RBBP5: variants seen among roughly 807,000 people sequenced by gnomAD.
RBBP5 encodes retinoblastoma-binding protein 5.
RBBP5 carries 5 observed loss-of-function variants against 72.2 expected under a neutral mutation model. The ratio of observed to expected loss-of-function variants is 0.07; its 90% confidence interval spans 0.04 to 0.15. The LOEUF (loss-of-function observed/expected upper bound fraction) is 0.15. RBBP5 is among the 10% of genes least tolerant of loss of function. RBBP5 has a pLI of 1.00. For synonymous variants in RBBP5, 209 were observed against 237.2 expected (o/e 0.88, Z 1.09); for missense variants, 322 against 652.2 (o/e 0.49, Z 5.51).
Position 205,107,898 on chromosome 1 carries a change from A to G in RBBP5, c.219-2730T>C, listed in dbSNP as rs548138620. 3.6e-3 allele frequency among the ~76,000 whole-genome samples: 535 copies of G among 147,736 alleles called. 2 individuals are homozygous for G. Among genetic ancestry groups the G allele is most frequent in the Non-Finnish European group, 5.9e-3 (397 of 67,334 alleles). ...GAGGCAGAGGTTGCAGTGAGCCGAGATCGCGCTATTGCACTCCAGCCTGGG... is the reference window on the plus strand; with the variant it reads ...GAGGCAGAGGTTGCAGTGAGCCGAGGTCGCGCTATTGCACTCCAGCCTGGG... On this transcript the variant is annotated intron_variant, in intron 3 of 13. Transcript: ENST00000264515.
In RBBP5 at chr1:205,087,523, A is replaced by T. The variant is rs1205515939; in HGVS notation, c.*1264T>A. The T allele has an allele frequency of 1.3e-5, 2 of 150,002 alleles. No homozygotes were observed. Among genetic ancestry groups the T allele is most frequent in the East Asian group, 4.0e-4 (2 of 5,028 alleles). The allele number at this position is 150,002 out of a possible 1,614,324, so 9.3% of individuals were successfully genotyped here. A position where few individuals can be genotyped will look rare whatever the true frequency, so the allele number is the denominator to read the frequency against. On this transcript the variant is annotated 3_prime_UTR_variant, in exon 14 of 14. Coordinates refer to ENST00000264515, the MANE Select transcript of RBBP5 (RefSeq NM_005057.4). ...CCAACTGATATATTTCACAGTAAGC[A>T]CAGTATTTAAATTCTCCTTTTAAAA...
intron 5 of RBBP5, among the ~76,000 whole-genome samples, chr1:205,102,984 G>A (rs1388090844): frequency 3.1e-5 from 4 of 130,900 alleles, no homozygotes; most frequent in African/African-American, 5.9e-5. Flanking sequence ...CAACAAGAGC[G>A]AAACTCCATC....
intron 1 of RBBP5, among the ~76,000 whole-genome samples, chr1:205,117,805 T>G (rs1656585006): frequency 1.3e-5 from 2 of 152,036 alleles, no homozygotes; most frequent in African/African-American, 4.8e-5. Flanking sequence ...TACATATATA[T>G]ATATCCATAT....
At chr1:205,104,090 C>T in intron 4 of RBBP5, 71 bp from the exon 5 acceptor site, 7 of 1,535,846 alleles carry the variant, frequency 4.6e-6, no homozygotes, top group Non-Finnish European at 6.3e-6. Context: ...GTCCTTTTCC[C>T]TGATCCCTGT....
intron 6 of RBBP5, among the ~76,000 whole-genome samples, chr1:205,100,606 T>TA (rs1460748951): frequency 1.3e-5 from 2 of 152,172 alleles, no homozygotes; most frequent in Admixed American, 6.5e-5. Context: ...ATAATATATA[T>TA]TTTTTAAATG....
intron 1 of RBBP5, 194 bp from the exon 2 acceptor site, chr1:205,116,077 T>C (rs901533463): frequency 2.6e-6 from 3 of 1,141,820 alleles, no homozygotes; most frequent in Admixed American, 2.4e-5. Flanking sequence ...CTCGGAAATA[T>C]ACAGATGCGT....
At chr1:205,107,862 C>T (rs1656134526) in intron 3 of RBBP5, among the ~76,000 whole-genome samples, 1 of 150,228 alleles carries the variant, frequency 6.7e-6, no homozygotes, top group Non-Finnish European at 1.5e-5. Context: ...TAAAGAATCG[C>T]TTGAAACCAG....
intron 4 of RBBP5, among the ~76,000 whole-genome samples, chr1:205,104,685 A>G (rs571059986): frequency 1.3e-5 from 2 of 152,196 alleles, no homozygotes; most frequent in Middle Eastern, 3.4e-3. Context: ...TGCTAAAAAT[A>G]CAAAAATTAG....
At chr1:205,107,441 T>C (rs931839131) in intron 3 of RBBP5, among the ~76,000 whole-genome samples, 5 of 152,074 alleles carry the variant, frequency 3.3e-5, no homozygotes, top group African/African-American at 9.7e-5. Context: ...TCAGAAACCA[T>C]GAAGGCCAGA....
In RBBP5 at chr1:205,104,135, T is replaced by C. The variant is rs114607410; in HGVS notation, c.360-116A>G. The C allele has an allele frequency of 2.3e-3, 2,495 of 1,102,956 alleles. 42 individuals are homozygous for C. The African/African-American group carries it at 0.034, about 15-fold the overall frequency. 68.3% of individuals were successfully genotyped at this position (1,102,956 alleles called of 1,614,324 possible). On this transcript the variant is annotated intron_variant, in intron 4 of 13. Coordinates refer to ENST00000264515, the MANE Select transcript of RBBP5 (RefSeq NM_005057.4). ...CATCAATTCTCCCACCCAAGCAAATTTGAAACAGTGAAAAAGCATAAAATC... is the reference window on the plus strand; with the variant it reads ...CATCAATTCTCCCACCCAAGCAAATCTGAAACAGTGAAAAAGCATAAAATC...
intron 3 of RBBP5, among the ~76,000 whole-genome samples, chr1:205,111,062 T>G (rs568479060): frequency 1.3e-5 from 2 of 152,250 alleles, no homozygotes; most frequent in East Asian, 3.9e-4. Context: ...AGACTCTGTC[T>G]CGAAAAAATT....
chr1:205,097,195 C>T (rs1436884797), intron 11 of RBBP5, 131 bp downstream of exon 11: 3 of 903,920 alleles, frequency 3.3e-6, no homozygotes, highest in Non-Finnish European at 5.1e-6. Context: ...ATTTCTTGTA[C>T]ACCAAACGAG....
chr1:205,113,635 C>T (rs1656404425), intron 3 of RBBP5, among the ~76,000 whole-genome samples: 2 of 151,446 alleles, frequency 1.3e-5, no homozygotes, highest in Admixed American at 1.3e-4. Context: ...GAATTGTACA[C>T]TCGAAATTTT....
chr1:205,091,639 G>C (rs1655354632), intron 13 of RBBP5: 1 of 152,188 alleles, frequency 6.6e-6, no homozygotes, highest in African/African-American at 2.4e-5. Flanking sequence ...TTTTGTTAGG[G>C]CTAATCAGTT....
At position 205,101,729 on chromosome 1, in the gene RBBP5, G is replaced by A. The variant is rs1176827123; in HGVS notation, c.523-20C>T. ...CAAAATCTAAAGTTTAAAGGAGGGG[G>A]GAAAAAAGTAAGTGTTCCAATAACT... On this transcript the variant is annotated intron_variant, in intron 5 of 13. Coordinates refer to ENST00000264515, the MANE Select transcript of RBBP5 (RefSeq NM_005057.4). 2 of 1,540,744 alleles carry A rather than the reference G, an allele frequency of 1.3e-6. No homozygotes were observed. The highest frequency in any genetic ancestry group is 1.8e-6 in the Non-Finnish European group (2 of 1,118,802).
At position 205,090,663 on chromosome 1, in the gene RBBP5, C is replaced by T. The variant is rs147237045; in HGVS notation, c.1589-1848G>A. Reference sequence around the variant, plus strand: ...ATAAAGGAAATCTCCAGTAATGTAACAGGTAGGAAAATTCAGCTCAAAATG... The same window carrying T: ...ATAAAGGAAATCTCCAGTAATGTAATAGGTAGGAAAATTCAGCTCAAAATG... On this transcript the variant is annotated intron_variant, in intron 13 of 13. Transcript: ENST00000264515. Among the ~76,000 whole-genome samples the T allele has an allele frequency of 1.1e-3, 165 of 152,266 alleles. 1 individual carries two copies. The highest frequency in any genetic ancestry group is 3.7e-3 in the African/African-American group (155 of 41,546).
chr1:205,091,377 T>C (rs1446158720), intron 13 of RBBP5: 3 of 152,260 alleles, frequency 2.0e-5, no homozygotes, highest in African/African-American at 4.8e-5. Context: ...TATGTTAGCC[T>C]GGTCCTTCCC....
chr1:205,113,877 G>A (rs1191253956), intron 3 of RBBP5, among the ~76,000 whole-genome samples: 2 of 151,556 alleles, frequency 1.3e-5, no homozygotes, highest in African/African-American at 2.4e-5. Context: ...TAGAGACGGG[G>A]TTTCACCATG....
chr1:205,093,554 A>ACACACACACACG (rs1655489022), intron 13 of RBBP5, among the ~76,000 whole-genome samples: 1 of 123,396 alleles, frequency 8.1e-6, no homozygotes, highest in African/African-American at 3.1e-5. Context: ...ACACACACAC[A>ACACACACACACG]CACACACACA....
Sources: allele counts gnomAD v4.1 joint callset (sites outside exome capture counted in the v4.1 genomes callset), GRCh38; gene constraint gnomAD v4.1.1; transcripts MANE v1.5; gene names NCBI Gene and HGNC (gene_info 2026-07-23, HGNC 2026-07-21).